CD47: variants seen among roughly 807,000 people sequenced by gnomAD.
The protein encoded by CD47 is CD47 molecule.
A neutral mutation model predicts 44.6 loss-of-function variants in CD47; 11 were observed. That is an observed-to-expected ratio of 0.25 (90% CI 0.16 to 0.41). The LOEUF (loss-of-function observed/expected upper bound fraction) is 0.41, where lower values mean the gene tolerates loss of function less well. CD47 is among the 10% of genes least tolerant of loss of function. CD47 has a pLI of 1.00. For synonymous variants in CD47, 140 were observed against 136.3 expected (o/e 1.03, Z -0.19); for missense variants, 306 against 386.7 (o/e 0.79, Z 1.75).
At chr3:108,051,917 C>A in intron 8 of CD47, 22 bp downstream of exon 8, 1 of 1,497,120 alleles carries the variant, frequency 6.7e-7, no homozygotes, top group South Asian at 1.1e-5. Context: ...ATTCACAATT[C>A]ATTTAATAAA....
At chr3:108,064,793 C>A (rs1379047500) in intron 3 of CD47, among the ~76,000 whole-genome samples, 1 of 152,138 alleles carries the variant, frequency 6.6e-6, no homozygotes, top group Admixed American at 6.5e-5. Flanking sequence ...GGTTTGATTT[C>A]ATTATTACAG....
chr3:108,065,461 A>T (rs756157323), intron 3 of CD47, among the ~76,000 whole-genome samples: 25 of 152,184 alleles, frequency 1.6e-4, no homozygotes, highest in Non-Finnish European at 3.4e-4. Flanking sequence ...ACAGAATGTG[A>T]TCATTATATG....
chr3:108,049,173 G>T (rs1028640457), intron 10 of CD47, among the ~76,000 whole-genome samples: 1 of 146,014 alleles, frequency 6.8e-6, no homozygotes, highest in African/African-American at 2.5e-5. Context: ...TCTCCCAAAA[G>T]GTTAGAACCA....
intron 1 of CD47, 127 bp downstream of exon 1, chr3:108,090,727 CGGGCGCTCA>C (rs1332560809): frequency 1.5e-6 from 1 of 665,744 alleles, no homozygotes; most frequent in Non-Finnish European, 2.2e-6. Context: ...GTCTGCACTT[CGGGCGCTCA>C]GGGCCCGAGT....
chr3:108,051,110 C>T (rs2078819170), intron 8 of CD47, among the ~76,000 whole-genome samples: 2 of 152,184 alleles, frequency 1.3e-5, no homozygotes, highest in Admixed American at 6.5e-5. Flanking sequence ...CACACATACC[C>T]GCCCCACCTG....
chr3:108,073,289 G>C (rs1342305492), intron 2 of CD47, among the ~76,000 whole-genome samples: 1 of 151,564 alleles, frequency 6.6e-6, no homozygotes, highest in Non-Finnish European at 1.5e-5. Flanking sequence ...ATATTAATTT[G>C]AATATATTAA....
chr3:108,086,700 C>A (rs1302809718), intron 1 of CD47, among the ~76,000 whole-genome samples: 2 of 152,112 alleles, frequency 1.3e-5, no homozygotes, highest in African/African-American at 4.8e-5. Context: ...AATGTGCAGG[C>A]AGGAACAAGG....
At chr3:108,086,200 C>T (rs1380331254) in intron 1 of CD47, among the ~76,000 whole-genome samples, 1 of 151,840 alleles carries the variant, frequency 6.6e-6, no homozygotes, top group Non-Finnish European at 1.5e-5. Flanking sequence ...GAATGTCATG[C>T]TGAGTTTAGA....
Position 108,055,342 on chromosome 3 carries a change from G to A in CD47, c.877+2135C>T, listed in dbSNP as rs904821699. ...ATTAGGCTTTTCTAAAACAGAACAC[G>A]TGCAATGAGTAAAAATTATTTTGGA... On this transcript the variant is annotated intron_variant, in intron 7 of 10. Coordinates refer to ENST00000361309, the MANE Select transcript of CD47 (RefSeq NM_001777.4). 3.9e-5 allele frequency among the ~76,000 whole-genome samples: 6 copies of A among 152,086 alleles called. No homozygotes were observed. The South Asian group carries it at 1.0e-3, about 26-fold the overall frequency.
At chr3:108,053,116 A>G (rs1476751694) in intron 7 of CD47, 1 of 152,408 alleles carries the variant, frequency 6.6e-6, no homozygotes, top group Non-Finnish European at 1.5e-5. Context: ...CCTGGGCTGG[A>G]TGACAGCACT....
At chr3:108,067,034 G>C (rs927100497) in intron 3 of CD47, among the ~76,000 whole-genome samples, 1 of 152,336 alleles carries the variant, frequency 6.6e-6, no homozygotes, top group African/African-American at 2.4e-5. Context: ...CCAAGCCATA[G>C]AGAAGATGCT....
Position 108,050,558 on chromosome 3 carries a change from A to T in CD47, c.934+20T>A. The T allele has an allele frequency of 8.6e-7, 1 of 1,168,904 alleles. No homozygotes were observed. The highest frequency in any genetic ancestry group is 1.2e-6 in the Non-Finnish European group (1 of 801,698). The allele number at this position is 1,168,904 out of a possible 1,614,324, so 72.4% of individuals were successfully genotyped here. On this transcript the variant is annotated intron_variant, in intron 9 of 10. Coordinates refer to ENST00000361309, the MANE Select transcript of CD47 (RefSeq NM_001777.4). ...CAAATTATGATCTGGTAAAGGATTA[A>T]GAGTGAAATAACCACATACCATTAA...
intron 1 of CD47, among the ~76,000 whole-genome samples, chr3:108,083,974 A>G (rs2079468125): frequency 6.7e-6 from 1 of 149,704 alleles, no homozygotes; most frequent in Admixed American, 6.7e-5. Flanking sequence ...CTCCATACCC[A>G]TCAGTCTCCT....
intron 4 of CD47, 111 bp downstream of exon 4, chr3:108,060,634 C>T: frequency 1.4e-6 from 1 of 693,582 alleles, no homozygotes; most frequent in Non-Finnish European, 2.5e-6. Flanking sequence ...TTTAAGCCAC[C>T]CAGTTTGTGG....
At chr3:108,058,313 G>A in intron 6 of CD47, 24 bp downstream of exon 6, 1 of 1,382,646 alleles carries the variant, frequency 7.2e-7, no homozygotes, top group Non-Finnish European at 9.9e-7. Context: ...ACCCAAATTA[G>A]GTCTACAGAA....
At chr3:108,079,921 G>T in intron 2 of CD47, 70 bp downstream of exon 2, 1 of 913,904 alleles carries the variant, frequency 1.1e-6, no homozygotes, top group Non-Finnish European at 1.7e-6. Flanking sequence ...ATCCCCATTT[G>T]GCCTCCTCTC....
chr3:108,060,890 C>G, intron 3 of CD47, 38 bp from the exon 4 acceptor site: 3 of 1,348,902 alleles, frequency 2.2e-6, no homozygotes, highest in Non-Finnish European at 3.2e-6. Context: ...TGAACTCAAT[C>G]ACAAGTGAAG....
intron 3 of CD47, among the ~76,000 whole-genome samples, chr3:108,062,486 C>T (rs1322770288): frequency 6.6e-6 from 1 of 152,124 alleles, no homozygotes; most frequent in Non-Finnish European, 1.5e-5. Flanking sequence ...ATGCACCTCA[C>T]AGTCAATCAA....
In CD47 at chr3:108,090,856, C is replaced by G. The variant is rs1037192187; in HGVS notation, c.46+7G>C. ...AGCCGCAGGGCTGGGAGCGAGGAGC[C>G]ACTCACCGCAGCACGCCGAGCCCAG... On this transcript the variant is annotated splice_region_variant and intron_variant, in intron 1 of 10. Transcript: ENST00000361309. 14 of 1,487,948 alleles carry G rather than the reference C, an allele frequency of 9.4e-6. No homozygotes were observed. In the African/African-American group the frequency reaches 2.0e-4, roughly 22 times the overall value. The allele number at this position is 1,487,948 out of a possible 1,614,324, so 92.2% of individuals were successfully genotyped here.
Sources: gnomAD v4.1 joint callset for allele counts (sites outside exome capture counted in the v4.1 genomes callset) on GRCh38, gnomAD v4.1.1 for gene constraint, MANE v1.5 for transcripts, NCBI Gene and HGNC (gene_info 2026-07-23, HGNC 2026-07-21) for gene names.